ANK1: variants seen among roughly 807,000 people sequenced by gnomAD.
ANK1 encodes the protein ankyrin 1.
In ANK1, 51 loss-of-function variants were observed where a neutral mutation model predicts 210.4. The observed-to-expected ratio is 0.24, with a 90% confidence interval of 0.19 to 0.31. The LOEUF is 0.31. ANK1 is among the 10% of genes least tolerant of loss of function. The pLI is 1.00. For missense variants in ANK1, 2,051 were observed against 2,504.4 expected (o/e 0.82, Z 3.86); for synonymous variants, 967 against 1,025.9 (o/e 0.94, Z 1.10).
intron 20 of ANK1, among the ~76,000 whole-genome samples, chr8:41,703,198 AGAT>A (rs1586251203): frequency 2.0e-5 from 3 of 151,988 alleles, no homozygotes; most frequent in Non-Finnish European, 2.9e-5. Flanking sequence ...CCACATGGTC[AGAT>A]GAAGAAGCTC....
chr8:41,671,144 C>T (rs182406247), intron 38 of ANK1, among the ~76,000 whole-genome samples: 28 of 152,298 alleles, frequency 1.8e-4, no homozygotes, highest in East Asian at 5.8e-4. Flanking sequence ...GACCTGCCGA[C>T]GCTGCTTTTC....
intron 1 of ANK1, among the ~76,000 whole-genome samples, chr8:41,884,214 G>A (rs1014732526): frequency 6.6e-5 from 10 of 152,186 alleles, no homozygotes; most frequent in African/African-American, 2.4e-4. Flanking sequence ...CGGGCATGGT[G>A]GCATGTGCCT....
chr8:41,717,732 G>A, intron 11 of ANK1, 30 bp from the exon 12 acceptor site: 1 of 1,515,614 alleles, frequency 6.6e-7, no homozygotes, highest in Non-Finnish European at 9.0e-7. Flanking sequence ...AGTCCGATAA[G>A]TGGGAGTCTT....
At chr8:41,738,362 C>T (rs1310701287) in intron 2 of ANK1, among the ~76,000 whole-genome samples, 1 of 152,272 alleles carries the variant, frequency 6.6e-6, no homozygotes, top group East Asian at 1.9e-4. Context: ...TAGATGGCTG[C>T]GTCTACCTAC....
chr8:41,749,551 C>G (rs1837146590), intron 2 of ANK1, among the ~76,000 whole-genome samples: 1 of 21,142 alleles, frequency 4.7e-5, no homozygotes, highest in South Asian at 2.5e-3. Flanking sequence ...CCCGCCTCGG[C>G]CTCCCAAAGT....
At chr8:41,698,018 A>G (rs761446475) in intron 24 of ANK1, 25 bp downstream of exon 24, 2 of 1,612,332 alleles carry the variant, frequency 1.2e-6, no homozygotes, top group Non-Finnish European at 1.7e-6. Flanking sequence ...CCATGTGGGG[A>G]AACCACAGAG....
At chr8:41,714,013 A>G in intron 16 of ANK1, 143 bp downstream of exon 16, 1 of 515,356 alleles carries the variant, frequency 1.9e-6, no homozygotes, top group Non-Finnish European at 3.0e-6. Flanking sequence ...AACATGTGGG[A>G]AAGTGAGGCG....
In ANK1 at chr8:41,700,096, C is replaced by T. The variant is rs58387813; in HGVS notation, c.2462-548G>A. Among the ~76,000 whole-genome samples the T allele has an allele frequency of 9.8e-5, 15 of 152,362 alleles. 1 individual carries two copies. In the East Asian group the frequency reaches 1.3e-3, roughly 14 times the overall value. ...CTAGCTTCAACTGGAGCTGGAGCCC[C>T]GGCCCTCGACCTTGAGGGGTCATTC... is the stretch of plus-strand genomic sequence containing the variant. On this transcript the variant is annotated intron_variant, in intron 22 of 42. Transcript: ENST00000289734.
At chr8:41,893,977 T>C (rs1819951724) in intron 1 of ANK1, among the ~76,000 whole-genome samples, 1 of 152,184 alleles carries the variant, frequency 6.6e-6, no homozygotes, top group Non-Finnish European at 1.5e-5. Flanking sequence ...AAATGCTCCT[T>C]TCTGCACTGC....
intron 7 of ANK1, 143 bp from the exon 8 acceptor site, chr8:41,723,776 T>TTTA (rs1191961720): frequency 4.3e-5 from 22 of 513,752 alleles, no homozygotes; most frequent in Admixed American, 1.5e-4. Context: ...AGATATTTTA[T>TTTA]TTTTTTTTAT....
chr8:41,748,502 G>A (rs534572096), intron 2 of ANK1, among the ~76,000 whole-genome samples: 3 of 151,958 alleles, frequency 2.0e-5, no homozygotes, highest in Non-Finnish European at 4.4e-5. Context: ...CAACCTCCCC[G>A]AACTGCCCCC....
intron 1 of ANK1, among the ~76,000 whole-genome samples, chr8:41,840,991 A>C (rs1458508551): frequency 6.6e-6 from 1 of 152,156 alleles, no homozygotes; most frequent in African/African-American, 2.4e-5. Flanking sequence ...AACAGTGTGG[A>C]GGGTCTTTCA....
At chr8:41,811,458 C>T (rs1802466761) in intron 1 of ANK1, among the ~76,000 whole-genome samples, 1 of 152,230 alleles carries the variant, frequency 6.6e-6, no homozygotes, top group Non-Finnish European at 1.5e-5. Context: ...TCCCTCCTCA[C>T]ACAGGAGCTG....
At position 41,783,304 on chromosome 8, in the gene ANK1, C is replaced by A. The variant is rs570134527; in HGVS notation, c.27+14208G>T. On this transcript the variant is annotated intron_variant, in intron 1 of 42. Coordinates refer to ENST00000289734, the MANE Select transcript of ANK1 (RefSeq NM_000037.4). The stretch of plus-strand genomic sequence containing the variant: ...CAAGACTCTGATCAAATACTTCCCT[C>A]TTTGGAGAATTCTAATTTTTGGAAA... 1.1e-4 allele frequency among the ~76,000 whole-genome samples: 16 copies of A among 152,348 alleles called. No individual in the cohort carries two copies. In the South Asian group the frequency reaches 2.3e-3, roughly 22 times the overall value.
At chr8:41,763,889 C>CTTTTTTTTTTTTTT (rs869100297) in intron 1 of ANK1, among the ~76,000 whole-genome samples, 74 of 57,828 alleles carry the variant, frequency 1.3e-3, no homozygotes, top group Non-Finnish European at 1.4e-3. Context: ...TTCTTTTTTT[C>CTTTTTTTTTTTTTT]TTTTTTTTTT....
chr8:41,861,705 G>A (rs1395736327), intron 1 of ANK1, among the ~76,000 whole-genome samples: 3 of 152,230 alleles, frequency 2.0e-5, no homozygotes, highest in African/African-American at 4.8e-5. Context: ...CGGCAGAAAC[G>A]AGCGCAGGAG....
intron 1 of ANK1, among the ~76,000 whole-genome samples, chr8:41,863,929 C>G (rs143794550): frequency 2.0e-4 from 31 of 152,058 alleles, no homozygotes; most frequent in African/African-American, 6.8e-4. Flanking sequence ...GGCTGCTGCA[C>G]GTTCTGCGCT....
At chr8:41,680,286 G>A (rs1172857964) in intron 37 of ANK1, among the ~76,000 whole-genome samples, 1 of 152,178 alleles carries the variant, frequency 6.6e-6, no homozygotes, top group African/African-American at 2.4e-5. Flanking sequence ...TAAGGGGCCG[G>A]GCACAGTGGC....
chr8:41,887,122 C>G (rs756883118), intron 1 of ANK1, among the ~76,000 whole-genome samples: 1 of 152,032 alleles, frequency 6.6e-6, no homozygotes, highest in Non-Finnish European at 1.5e-5. Context: ...AGAAGACACA[C>G]AGTCAGAGAA....
Sources: allele counts gnomAD v4.1 joint callset (sites outside exome capture counted in the v4.1 genomes callset), GRCh38; gene constraint gnomAD v4.1.1; transcripts MANE v1.5; gene names NCBI Gene and HGNC (gene_info 2026-07-23, HGNC 2026-07-21).